LRP1B: variants seen among roughly 807,000 people sequenced by gnomAD.
The protein encoded by LRP1B is low-density lipoprotein receptor-related protein 1B.
A neutral mutation model predicts 556.6 loss-of-function variants in LRP1B; 217 were observed. The observed-to-expected ratio is 0.39, with a 90% confidence interval of 0.35 to 0.44. The LOEUF (loss-of-function observed/expected upper bound fraction) is 0.44. LRP1B is among the 20% of genes least tolerant of loss of function. The pLI is 1.00. For missense variants in LRP1B, 5,053 were observed against 5,620.8 expected (o/e 0.90, Z 3.23); for synonymous variants, 2,047 against 1,865.8 (o/e 1.10, Z -2.50).
At chr2:140,864,155 G>A (rs148737346) in intron 27 of LRP1B, among the ~76,000 whole-genome samples, 74 of 151,908 alleles carry the variant, frequency 4.9e-4, no homozygotes, top group African/African-American at 1.7e-3. Context: ...TCACGGAAAT[G>A]CAATGATAAT....
chr2:141,095,108 G>C (rs979989673), intron 7 of LRP1B, among the ~76,000 whole-genome samples: 2 of 152,166 alleles, frequency 1.3e-5, no homozygotes, highest in East Asian at 1.9e-4. Context: ...TTTATCTCAT[G>C]ATGACACAGC....
chr2:141,359,937 G>A (rs1432437681), intron 3 of LRP1B, among the ~76,000 whole-genome samples: 1 of 152,180 alleles, frequency 6.6e-6, no homozygotes, highest in African/African-American at 2.4e-5. Context: ...GTAAGGTTTG[G>A]AAGTATAGAA....
chr2:140,256,010 T>G (rs13001299), intron 86 of LRP1B, among the ~76,000 whole-genome samples: 56,150 of 152,020 alleles, frequency 0.37, 12,120 homozygotes, highest in Non-Finnish European at 0.5. Flanking sequence ...TCAGTTCTTG[T>G]CCCAGGATAA....
intron 2 of LRP1B, among the ~76,000 whole-genome samples, chr2:141,638,956 C>CAT (rs1304061731): frequency 1.3e-4 from 7 of 54,838 alleles, no homozygotes; most frequent in East Asian, 3.9e-4. Flanking sequence ...CATACACACA[C>CAT]ATATATATAT....
At chr2:141,034,178 T>C (rs1231373184) in intron 11 of LRP1B, among the ~76,000 whole-genome samples, 1 of 152,326 alleles carries the variant, frequency 6.6e-6, no homozygotes, top group South Asian at 2.1e-4. Flanking sequence ...AGCTATGGTT[T>C]CTGGTGATCT....
At chr2:140,428,621 T>C (rs1206964271) in intron 66 of LRP1B, among the ~76,000 whole-genome samples, 1 of 152,162 alleles carries the variant, frequency 6.6e-6, no homozygotes, top group Non-Finnish European at 1.5e-5. Context: ...TGACACTGCC[T>C]GATCGTCTCT....
intron 60 of LRP1B, among the ~76,000 whole-genome samples, chr2:140,467,774 A>T (rs1408584521): frequency 6.6e-6 from 1 of 152,198 alleles, no homozygotes; most frequent in East Asian, 1.9e-4. Flanking sequence ...CAGCAATAAA[A>T]TAGAATATCT....
At chr2:141,817,963 T>C (rs1696616546) in intron 1 of LRP1B, among the ~76,000 whole-genome samples, 1 of 152,140 alleles carries the variant, frequency 6.6e-6, no homozygotes, top group African/African-American at 2.4e-5. Flanking sequence ...AAAAATACTT[T>C]TAAAGAATAG....
chr2:140,868,333 T>TGCCTACCA, intron 25 of LRP1B, 70 bp from the exon 26 acceptor site: 1 of 1,395,724 alleles, frequency 7.2e-7, no homozygotes, highest in South Asian at 1.6e-5. Flanking sequence ...ATTTATTGAG[T>TGCCTACCA]GCCTACCATA....
At chr2:141,242,299 A>G (rs747420710) in intron 5 of LRP1B, among the ~76,000 whole-genome samples, 14 of 152,090 alleles carry the variant, frequency 9.2e-5, no homozygotes, top group Non-Finnish European at 1.9e-4. Flanking sequence ...CCAAAAGAAA[A>G]TTTTAAACTT....
intron 79 of LRP1B, among the ~76,000 whole-genome samples, chr2:140,326,884 T>G (rs1680516293): frequency 6.6e-6 from 1 of 152,100 alleles, no homozygotes; most frequent in Non-Finnish European, 1.5e-5. Flanking sequence ...TTAGTTTCAT[T>G]TTTTGATTTC....
At chr2:140,582,744 G>A (rs1681823880) in intron 43 of LRP1B, among the ~76,000 whole-genome samples, 1 of 152,160 alleles carries the variant, frequency 6.6e-6, no homozygotes, top group African/African-American at 2.4e-5. Flanking sequence ...AGAACTGTGG[G>A]AAATAAATTT....
At chr2:140,676,987 T>G (rs1284804317) in intron 41 of LRP1B, among the ~76,000 whole-genome samples, 4 of 152,226 alleles carry the variant, frequency 2.6e-5, no homozygotes, top group African/African-American at 9.6e-5. Flanking sequence ...TGAACAATCA[T>G]TGCAATTTAT....
chr2:142,033,750 G>A lies in LRP1B; in HGVS notation c.82+96898C>T, dbSNP rs148105543. On this transcript the variant is annotated intron_variant, in intron 1 of 90. Transcript: ENST00000389484. ...GATTTCCCACTAATAAAGTCAAATT[G>A]CAAAGTGGAGTTATAGAAAGATATG... Among the ~76,000 whole-genome samples, 742 of 151,838 alleles carry A rather than the reference G, an allele frequency of 4.9e-3. 4 individuals carry two copies. The highest frequency in any genetic ancestry group is 0.016 in the African/African-American group (662 of 41,478).
At chr2:141,225,924 C>A (rs1683227645) in intron 6 of LRP1B, among the ~76,000 whole-genome samples, 1 of 152,010 alleles carries the variant, frequency 6.6e-6, no homozygotes, top group Non-Finnish European at 1.5e-5. Context: ...TAACTGTCTC[C>A]CACTTAGAGG....
intron 2 of LRP1B, among the ~76,000 whole-genome samples, chr2:141,553,572 GT>G (rs1685833077): frequency 6.7e-6 from 1 of 150,150 alleles, no homozygotes; most frequent in Admixed American, 6.7e-5. Context: ...GCTTCACCAT[GT>G]TGATTTTGGA....
intron 7 of LRP1B, among the ~76,000 whole-genome samples, chr2:141,090,827 A>G (rs1370640113): frequency 6.6e-6 from 1 of 152,170 alleles, no homozygotes; most frequent in Non-Finnish European, 1.5e-5. Context: ...GAGTGAGTGT[A>G]GGCTGAATTA....
At chr2:140,302,445 C>T (rs1343611720) in intron 83 of LRP1B, among the ~76,000 whole-genome samples, 4 of 152,142 alleles carry the variant, frequency 2.6e-5, no homozygotes, top group African/African-American at 9.7e-5. Flanking sequence ...GTTAGGTCTA[C>T]TTCATATTCA....
intron 25 of LRP1B, among the ~76,000 whole-genome samples, chr2:140,879,417 TA>T (rs1489732388): frequency 6.6e-5 from 10 of 152,188 alleles, no homozygotes; most frequent in Non-Finnish European, 1.2e-4. Flanking sequence ...AGTGTTAGTA[TA>T]CTTCTATGGT....
Sources: gnomAD v4.1 joint callset for allele counts (sites outside exome capture counted in the v4.1 genomes callset) on GRCh38, gnomAD v4.1.1 for gene constraint, MANE v1.5 for transcripts, NCBI Gene and HGNC (gene_info 2026-07-23, HGNC 2026-07-21) for gene names.